PPP1R16B: variants seen among roughly 807,000 people sequenced by gnomAD.
PPP1R16B encodes the protein protein phosphatase 1 regulatory inhibitor subunit 16B.
Under a neutral mutation model 61.7 loss-of-function variants are expected in PPP1R16B, and 14 were observed. That is an observed-to-expected ratio of 0.23 (90% CI 0.15 to 0.35). The LOEUF (loss-of-function observed/expected upper bound fraction) is 0.35, where lower values mean the gene tolerates loss of function less well. Ranked by LOEUF, PPP1R16B falls within the 10% of genes least tolerant of loss-of-function variation. The pLI is 1.00. For missense variants in PPP1R16B, 547 were observed against 752.5 expected (o/e 0.73, Z 3.19); for synonymous variants, 266 against 305.3 (o/e 0.87, Z 1.34).
rs570946258 is a variant in PPP1R16B, at chr20:38,907,755, C to T, written c.899-51C>T. The T allele has an allele frequency of 8.1e-5, 129 of 1,601,670 alleles. No homozygotes were observed. The highest frequency in any genetic ancestry group is 3.8e-4 in the Middle Eastern group (2 of 5,302). On this transcript the variant is annotated intron_variant, in intron 8 of 10. Coordinates refer to ENST00000299824, the MANE Select transcript of PPP1R16B (RefSeq NM_015568.4). The surrounding 1 kb of genome is among the most constrained non-coding windows in gnomAD (Gnocchi z 4.5). ...TCCTCTGGTCTGGAGCACCCTCTTGCGCCACAGGTCCTGGCCCCGTCCCCC... is the reference window on the plus strand; with the variant it reads ...TCCTCTGGTCTGGAGCACCCTCTTGTGCCACAGGTCCTGGCCCCGTCCCCC...
At chr20:38,897,122 G>C (rs1464319745) in intron 4 of PPP1R16B, among the ~76,000 whole-genome samples, 1 of 152,008 alleles carries the variant, frequency 6.6e-6, no homozygotes, top group Non-Finnish European at 1.5e-5. Context: ...CTCCAGCCTG[G>C]GCAACAAGAG....
intron 2 of PPP1R16B, among the ~76,000 whole-genome samples, chr20:38,839,125 AC>A (rs993058819): frequency 6.6e-6 from 1 of 152,088 alleles, no homozygotes; most frequent in African/African-American, 2.4e-5. Context: ...TTGGGGTTTC[AC>A]CATGTTGGCC....
chr20:38,899,793 G>T (rs1331251208), intron 4 of PPP1R16B, among the ~76,000 whole-genome samples: 1 of 151,844 alleles, frequency 6.6e-6, no homozygotes, highest in Non-Finnish European at 1.5e-5. Flanking sequence ...GAACCTGTCT[G>T]AGTCTTTTTT....
intron 4 of PPP1R16B, among the ~76,000 whole-genome samples, chr20:38,895,921 C>A (rs1441080212): frequency 2.4e-5 from 2 of 83,958 alleles, no homozygotes; most frequent in Non-Finnish European, 5.0e-5. Context: ...TTCTTCCCTC[C>A]CTCCCTCCTT....
intron 1 of PPP1R16B, among the ~76,000 whole-genome samples, chr20:38,833,810 A>G (rs571637726): frequency 1.3e-5 from 2 of 152,264 alleles, no homozygotes; most frequent in African/African-American, 2.4e-5. Flanking sequence ...CCAGTCTCCG[A>G]GCTGGGAGAG....
At chr20:38,909,438 A>G (rs1049276561) in intron 10 of PPP1R16B, among the ~76,000 whole-genome samples, 3 of 152,340 alleles carry the variant, frequency 2.0e-5, no homozygotes, top group African/African-American at 7.2e-5. Flanking sequence ...CCAGGTAGAC[A>G]TGAATTTTTG....
chr20:38,819,879 T>C (rs746273607), intron 1 of PPP1R16B, among the ~76,000 whole-genome samples: 15 of 152,138 alleles, frequency 9.9e-5, no homozygotes, highest in Non-Finnish European at 1.6e-4. Flanking sequence ...ACTGAACCTA[T>C]CTATTTAACC....
intron 1 of PPP1R16B, among the ~76,000 whole-genome samples, chr20:38,821,276 A>G (rs1176911146): frequency 6.6e-6 from 1 of 152,208 alleles, no homozygotes; most frequent in African/African-American, 2.4e-5. Context: ...TGACCTGGCT[A>G]TCAGCCAGTG....
intron 6 of PPP1R16B, among the ~76,000 whole-genome samples, chr20:38,905,550 C>T (rs6028197): frequency 0.36 from 55,172 of 152,038 alleles, 10,528 homozygotes; most frequent in Middle Eastern, 0.52. Context: ...CAATATCCTA[C>T]TTGTTAGAAG....
At position 38,870,686 on chromosome 20, in the gene PPP1R16B, G is replaced by A. The variant is rs113889552; in HGVS notation, c.251-18909G>A. Among the ~76,000 whole-genome samples the A allele has an allele frequency of 8.5e-3, 1,295 of 152,256 alleles. 7 individuals are homozygous for A. Among genetic ancestry groups the A allele is most frequent in the Middle Eastern group, 0.027 (8 of 292 alleles). On this transcript the variant is annotated intron_variant, in intron 2 of 10. Transcript: ENST00000299824. The stretch of plus-strand genomic sequence containing the variant: ...ACAGGGATGCTCCTGCTGGCTGATG[G>A]CCCATACTGTAGGGGCCACAACTTT...
chr20:38,914,774 T>A (rs2085519867), intron 10 of PPP1R16B, among the ~76,000 whole-genome samples: 1 of 152,128 alleles, frequency 6.6e-6, no homozygotes, highest in Non-Finnish European at 1.5e-5. Context: ...GCTCAAGTGA[T>A]CCTCCTGCCC....
In PPP1R16B at chr20:38,918,646, G is replaced by A; in HGVS notation, c.1684G>A (p.Gly562Ser). 1 of 1,513,850 alleles carries A rather than the reference G, an allele frequency of 6.6e-7. No individual in the cohort carries two copies. The highest frequency in any genetic ancestry group is 8.8e-7 in the Non-Finnish European group (1 of 1,132,438). The allele number at this position is 1,513,850 out of a possible 1,614,324, so 93.8% of individuals were successfully genotyped here. The part of the protein sequence containing the change: ...PIEEMEEKVH[G>S]CCRIS ...AGAGGAGATGGAGGAGAAGGTGCAT[G>A]GCTGTTGCCGTATCTCCTAGTCTCC... is the stretch of plus-strand genomic sequence containing the variant. Residue 562 changes from glycine to serine, a missense_variant, in exon 11 of 11, where the codon GGC becomes AGC. Transcript: ENST00000299824. This position sits in a 1 kb window ranked among gnomAD's most constrained non-coding sequence, Gnocchi z 5.3.
chr20:38,839,220 C>T (rs1328431098), intron 2 of PPP1R16B, among the ~76,000 whole-genome samples: 3 of 152,134 alleles, frequency 2.0e-5, no homozygotes, highest in Non-Finnish European at 2.9e-5. Flanking sequence ...TGAGCCACCG[C>T]GTTCAGTTTT....
In PPP1R16B at chr20:38,896,078, TCCTCCCTTTCTGCCTTTCTTCTGTCTCC is replaced by T. The variant is rs1568679359; in HGVS notation, c.467+377_467+404del. 4.2e-4 allele frequency among the ~76,000 whole-genome samples: 46 copies of T among 110,222 alleles called. 3 individuals are homozygous for T. Among genetic ancestry groups the T allele is most frequent in the African/African-American group, 1.7e-3 (42 of 24,072 alleles). The allele number at this position is 110,222 out of a possible 152,430, so 72.3% of individuals were successfully genotyped here. On this transcript the variant is annotated intron_variant, in intron 4 of 10. Transcript: ENST00000299824. ...TCCTCCCTTCCTTTCTTCCCTCCCT[TCCTCCCTTTCTGCCTTTCTTCTGTCTCC>T]CCTCCCTTCCTTCTTTCTTCCCTTC...
chr20:38,863,993 A>G (rs1179871186), intron 2 of PPP1R16B, among the ~76,000 whole-genome samples: 6 of 152,238 alleles, frequency 3.9e-5, no homozygotes, highest in Admixed American at 2.6e-4. Flanking sequence ...ATACAATGGA[A>G]TATCATTCTG....
chr20:38,888,103 G>A (rs2085260169), intron 2 of PPP1R16B, among the ~76,000 whole-genome samples: 1 of 152,220 alleles, frequency 6.6e-6, no homozygotes, highest in Admixed American at 6.5e-5. Context: ...CCCCACAGCA[G>A]AAATCAACGA....
chr20:38,850,674 A>G (rs1185269795), intron 2 of PPP1R16B, among the ~76,000 whole-genome samples: 1 of 152,218 alleles, frequency 6.6e-6, no homozygotes, highest in East Asian at 1.9e-4. Flanking sequence ...CCTGATAAAA[A>G]TGTTGAATAG....
chr20:38,901,347 T>C (rs1287929519), intron 5 of PPP1R16B, among the ~76,000 whole-genome samples: 1 of 152,254 alleles, frequency 6.6e-6, no homozygotes, highest in Admixed American at 6.5e-5. Flanking sequence ...CCTATTCATC[T>C]CCTGCAGAGG....
chr20:38,842,317 G>T (rs1296484846), intron 2 of PPP1R16B, among the ~76,000 whole-genome samples: 1 of 152,096 alleles, frequency 6.6e-6, no homozygotes, highest in African/African-American at 2.4e-5. Context: ...TTGATTTGGG[G>T]CCCCCAAGAT....
Sources: gnomAD v4.1 joint callset for allele counts (sites outside exome capture counted in the v4.1 genomes callset) on GRCh38, gnomAD v4.1.1 for gene constraint, Gnocchi (gnomAD v3.1) non-coding constraint, MANE v1.5 for transcripts, NCBI Gene and HGNC (gene_info 2026-07-23, HGNC 2026-07-21) for gene names.